SLC4A5: variants seen among roughly 807,000 people sequenced by gnomAD.
SLC4A5 encodes the protein electrogenic sodium bicarbonate cotransporter 4.
SLC4A5 carries 96 observed loss-of-function variants against 120.4 expected under a neutral mutation model. That is an observed-to-expected ratio of 0.80 (90% CI 0.68 to 0.94). SLC4A5 has a LOEUF of 0.94. Among genes scored for constraint, SLC4A5 ranks in the 40% least tolerant of loss-of-function variants. The pLI is 0.00. For synonymous variants in SLC4A5, 550 were observed against 571.1 expected, an observed-to-expected ratio of 0.96 and a Z score of 0.53; for missense variants, 1,259 against 1,459.5, an observed-to-expected ratio of 0.86 and a Z score of 2.24.
At chr2:74,220,373 T>C (rs887249690) in intron 30 of SLC4A5, among the ~76,000 whole-genome samples, 1 of 152,212 alleles carries the variant, frequency 6.6e-6, no homozygotes. Context: ...GATGTTGGCT[T>C]TCCTCCATAC....
At chr2:74,305,247 G>A (rs1385438542) in intron 6 of SLC4A5, among the ~76,000 whole-genome samples, 1 of 152,204 alleles carries the variant, frequency 6.6e-6, no homozygotes. Flanking sequence ...TTGAAACCCA[G>A]GGTAATGGGC....
chr2:74,331,864 G>C (rs1235646524), intron 4 of SLC4A5, among the ~76,000 whole-genome samples: 1 of 152,052 alleles, frequency 6.6e-6, no homozygotes, highest in Non-Finnish European at 1.5e-5. Context: ...ACATAAAATG[G>C]GCATATGTCA....
intron 5 of SLC4A5, among the ~76,000 whole-genome samples, chr2:74,320,303 C>T (rs1385567797): frequency 8.5e-5 from 13 of 152,106 alleles, no homozygotes; most frequent in African/African-American, 2.4e-4. Context: ...AAAGAACTTT[C>T]GATCAGCTCA....
chr2:74,333,533 C>T (rs949164161), intron 4 of SLC4A5, among the ~76,000 whole-genome samples: 2 of 152,070 alleles, frequency 1.3e-5, no homozygotes, highest in Non-Finnish European at 2.9e-5. Flanking sequence ...GTATAAAAAA[C>T]TATTTACATA....
chr2:74,329,552 G>A (rs139084074), intron 4 of SLC4A5, among the ~76,000 whole-genome samples: 1 of 152,178 alleles, frequency 6.6e-6, no homozygotes, highest in East Asian at 1.9e-4. Flanking sequence ...TAGTGCCACT[G>A]CACTCCAGCC....
chr2:74,247,408 C>T, intron 18 of SLC4A5, 101 bp from the exon 19 acceptor site: 2 of 1,242,460 alleles, frequency 1.6e-6, no homozygotes, highest in Non-Finnish European at 2.2e-6. Context: ...CCTCCTGTGG[C>T]ACTGATGCCC....
chr2:74,303,766 A>G (rs964059342), intron 7 of SLC4A5, among the ~76,000 whole-genome samples: 10 of 152,192 alleles, frequency 6.6e-5, no homozygotes, highest in African/African-American at 2.4e-4. Context: ...AGCTCCAGTG[A>G]GGAGAGAGGG....
chr2:74,330,570 G>T (rs1673332558), intron 4 of SLC4A5, among the ~76,000 whole-genome samples: 3 of 151,276 alleles, frequency 2.0e-5, no homozygotes. Context: ...TGAGGTATAG[G>T]TGAGGTTGGT....
At chr2:74,220,577 C>T (rs139170899) in intron 30 of SLC4A5, among the ~76,000 whole-genome samples, 10,992 of 151,586 alleles carry the variant, frequency 0.073, 624 homozygotes, top group African/African-American at 0.16. Context: ...AGTGCAGTGG[C>T]GTGATCTCGG....
chr2:74,296,616 C>CAAAAAAAA (rs1160532512), intron 7 of SLC4A5, among the ~76,000 whole-genome samples: 41 of 47,396 alleles, frequency 8.7e-4, no homozygotes, highest in East Asian at 1.8e-3. Flanking sequence ...ACTAAAAATA[C>CAAAAAAAA]AAAAAAAAAA....
chr2:74,250,384 T>C (rs1311741793), exon 17 of SLC4A5: 2 of 1,613,496 alleles, frequency 1.2e-6, no homozygotes, highest in Non-Finnish European at 1.7e-6. Flanking sequence ...CCACCAAAGG[T>C]GATCGCGTTG....
In SLC4A5 at chr2:74,256,993, C is replaced by A. The variant is rs1415185701; in HGVS notation, c.868-1061G>T. ...CTACCAATCCCCCTTCTACTGCAGT[C>A]TTTCCCGCGGGCACAGGCCTGTTTC... On this transcript the variant is annotated intron_variant, in intron 12 of 30. Transcript: ENST00000394019. 2.0e-5 allele frequency among the ~76,000 whole-genome samples: 3 copies of A among 152,308 alleles called. No individual in the cohort carries two copies. In the East Asian group the frequency reaches 5.8e-4, roughly 29 times the overall value.
chr2:74,286,735 C>G (rs1175747449), intron 7 of SLC4A5, among the ~76,000 whole-genome samples: 1 of 152,136 alleles, frequency 6.6e-6, no homozygotes, highest in Non-Finnish European at 1.5e-5. Context: ...AGGGGAGCTA[C>G]AGTAGATAGC....
At chr2:74,221,147 C>T (rs950449948) in intron 30 of SLC4A5, among the ~76,000 whole-genome samples, 10 of 152,112 alleles carry the variant, frequency 6.6e-5, no homozygotes, top group South Asian at 2.1e-4. Flanking sequence ...TGGGCCACAA[C>T]GTTTACTTTC....
rs994789662 is a variant in SLC4A5, at chr2:74,264,260, C to A, written c.602G>T (p.Arg201Leu). Residue 201 changes from arginine to leucine, a missense_variant, in exon 10 of 31, where the codon CGG (arginine) becomes CTG (leucine). Transcript: ENST00000394019. ...ACTGACCCTCTCCCGGAGCTCTGGC[C>A]GCAGGAGACCATCCTCAATCTGCTT... 3.7e-6 allele frequency: 6 copies of A among 1,614,070 alleles called. No homozygotes were observed. The Admixed American group carries it at 1.0e-4, about 27-fold the overall frequency.
chr2:74,281,686 G>A (rs1193923253), intron 8 of SLC4A5, among the ~76,000 whole-genome samples: 3 of 152,120 alleles, frequency 2.0e-5, no homozygotes, highest in Non-Finnish European at 4.4e-5. Context: ...ATCCCTCCAG[G>A]AGTGACTCCT....
At chr2:74,278,386 C>T (rs1189655368) in intron 8 of SLC4A5, among the ~76,000 whole-genome samples, 1 of 152,202 alleles carries the variant, frequency 6.6e-6, no homozygotes, top group Non-Finnish European at 1.5e-5. Flanking sequence ...CCTTGTGTCA[C>T]TGCCTGGCTG....
At chr2:74,221,127 G>C (rs1694629324) in intron 30 of SLC4A5, among the ~76,000 whole-genome samples, 1 of 152,188 alleles carries the variant, frequency 6.6e-6, no homozygotes, top group Admixed American at 6.5e-5. Flanking sequence ...ACAGGTGTGA[G>C]GCACCGTGCT....
chr2:74,231,905 G>A (rs924146393), intron 24 of SLC4A5, among the ~76,000 whole-genome samples: 2 of 152,144 alleles, frequency 1.3e-5, no homozygotes, highest in African/African-American at 2.4e-5. Context: ...GGGCAGCCAC[G>A]TAGGAGAAAG....
Sources: allele counts gnomAD v4.1 joint callset (sites outside exome capture counted in the v4.1 genomes callset), GRCh38; gene constraint gnomAD v4.1.1; transcripts MANE v1.5; gene names NCBI Gene and HGNC (gene_info 2026-07-23, HGNC 2026-07-21).